Variants in LRFN2 observed in about 807,000 individuals in gnomAD.
LRFN2 encodes leucine rich repeat and fibronectin type III domain containing 2, also known as leucine-rich repeat and fibronectin type-III domain-containing protein 2.
Under a neutral mutation model 37.3 loss-of-function variants are expected in LRFN2, and 18 were observed. The observed-to-expected ratio is 0.48, with a 90% CI of 0.33 to 0.72. The LOEUF is 0.72. LRFN2 is among the 30% of genes least tolerant of loss of function. The pLI, the probability that LRFN2 is intolerant of heterozygous loss-of-function variation, is 0.02. For synonymous variants in LRFN2, 556 were observed against 466.6 expected (o/e 1.19, Z -2.47); for missense variants, 1,006 against 1,060.7 (o/e 0.95, Z 0.72).
rs558824953 is a variant in LRFN2, at chr6:40,537,284, C to T, written c.-19+49657G>A. On this transcript the variant is annotated intron_variant, in intron 1 of 2. Transcript: ENST00000338305. ...ATACTGGGAATAGTTCCTGGCACATCGTAGGCCCTCAGGAATATTTGCAGA... is the reference window on the plus strand; with the variant it reads ...ATACTGGGAATAGTTCCTGGCACATTGTAGGCCCTCAGGAATATTTGCAGA... Among the ~76,000 whole-genome samples the T allele has an allele frequency of 6.6e-5, 10 of 152,312 alleles. No individual in the cohort carries two copies. In the East Asian group the frequency reaches 1.2e-3, roughly 18 times the overall value.
intron 1 of LRFN2, among the ~76,000 whole-genome samples, chr6:40,503,118 G>T (rs979555810): frequency 6.6e-6 from 1 of 152,204 alleles, no homozygotes; most frequent in African/African-American, 2.4e-5. Flanking sequence ...GGGTGGGCCA[G>T]CCATGCAGGG....
At chr6:40,393,737 C>CA (rs1025231618) in intron 2 of LRFN2, among the ~76,000 whole-genome samples, 3 of 152,188 alleles carry the variant, frequency 2.0e-5, no homozygotes, top group African/African-American at 7.2e-5. Context: ...CTCTGAGATT[C>CA]ATGGCGATCC....
At chr6:40,571,584 G>A (rs1003382188) in intron 1 of LRFN2, among the ~76,000 whole-genome samples, 1 of 152,220 alleles carries the variant, frequency 6.6e-6, no homozygotes, top group African/African-American at 2.4e-5. Context: ...GATTCCAGGT[G>A]GCGCTGGGTG....
intron 1 of LRFN2, among the ~76,000 whole-genome samples, chr6:40,473,224 G>A (rs9357328): frequency 2.0e-5 from 3 of 152,256 alleles, no homozygotes; most frequent in East Asian, 3.9e-4. Context: ...CAGTTGCCAC[G>A]CCTCAGCCAG....
At chr6:40,509,469 C>A (rs1357807245) in intron 1 of LRFN2, among the ~76,000 whole-genome samples, 2 of 152,182 alleles carry the variant, frequency 1.3e-5, no homozygotes, top group Admixed American at 1.3e-4. Context: ...GAGTAGAGAG[C>A]AGAATGAAAT....
rs537960580 is a variant in LRFN2, at chr6:40,505,767, C to A, written c.-18-72636G>T. Among the ~76,000 whole-genome samples the A allele has an allele frequency of 3.3e-5, 5 of 152,324 alleles. No homozygotes were observed. The South Asian group carries it at 8.3e-4, about 25-fold the overall frequency. ...CTCACACAGGTCTCACCTATCTTCC[C>A]CCCATGTCTTAAGATCATGCCTCCT... On this transcript the variant is annotated intron_variant, in intron 1 of 2. Transcript: ENST00000338305.
intron 1 of LRFN2, among the ~76,000 whole-genome samples, chr6:40,522,075 C>T (rs1468703994): frequency 6.6e-6 from 1 of 152,130 alleles, no homozygotes; most frequent in Non-Finnish European, 1.5e-5. Flanking sequence ...TGGGTCCTCA[C>T]AGAGCCAGAC....
chr6:40,459,943 G>A (rs1745974463), intron 1 of LRFN2, among the ~76,000 whole-genome samples: 2 of 152,206 alleles, frequency 1.3e-5, no homozygotes, highest in Non-Finnish European at 2.9e-5. Flanking sequence ...CAACTAGGGA[G>A]GAAGAAATTC....
chr6:40,575,947 A>G (rs1005668381), intron 1 of LRFN2, among the ~76,000 whole-genome samples: 2 of 152,244 alleles, frequency 1.3e-5, no homozygotes, highest in Non-Finnish European at 2.9e-5. Context: ...GCATAAAATA[A>G]GTACATAAAG....
chr6:40,473,147 A>G (rs1387198683), intron 1 of LRFN2, among the ~76,000 whole-genome samples: 1 of 152,110 alleles, frequency 6.6e-6, no homozygotes, highest in African/African-American at 2.4e-5. Context: ...GGCCCCAGCC[A>G]AACTCCAGGG....
chr6:40,551,442 A>G (rs1766776985), intron 1 of LRFN2, among the ~76,000 whole-genome samples: 1 of 152,226 alleles, frequency 6.6e-6, no homozygotes, highest in Non-Finnish European at 1.5e-5. Context: ...CTTCTCCTGA[A>G]GCCCACATCA....
chr6:40,399,438 C>CTTTTTTTTTTTTTTT (rs71543989), intron 2 of LRFN2, among the ~76,000 whole-genome samples: 1 of 108,922 alleles, frequency 9.2e-6, no homozygotes, highest in East Asian at 2.5e-4. Flanking sequence ...TTTTTTTTTT[C>CTTTTTTTTTTTTTTT]TTTTTTTTTT....
chr6:40,585,654 T>C (rs1379572090), intron 1 of LRFN2, among the ~76,000 whole-genome samples: 2 of 152,064 alleles, frequency 1.3e-5, no homozygotes, highest in Admixed American at 1.3e-4. Context: ...ACAGCCCACA[T>C]AGAACCTCTA....
intron 1 of LRFN2, among the ~76,000 whole-genome samples, chr6:40,524,862 G>T (rs1235278752): frequency 1.3e-5 from 2 of 152,212 alleles, no homozygotes; most frequent in Admixed American, 1.3e-4. Flanking sequence ...TGAGTCAGGG[G>T]TCAGTGATTC....
intron 1 of LRFN2, among the ~76,000 whole-genome samples, chr6:40,556,772 C>A (rs1402475265): frequency 4.0e-5 from 6 of 150,786 alleles, no homozygotes; most frequent in African/African-American, 1.5e-4. Context: ...CCTACTGATG[C>A]TCTTGGCCAC....
chr6:40,497,139 A>G (rs1368191978), intron 1 of LRFN2, among the ~76,000 whole-genome samples: 1 of 152,032 alleles, frequency 6.6e-6, no homozygotes, highest in Non-Finnish European at 1.5e-5. Context: ...TTCTGCAGCC[A>G]TTTCTGACTG....
chr6:40,567,369 T>C (rs1225270299), intron 1 of LRFN2, among the ~76,000 whole-genome samples: 2 of 152,108 alleles, frequency 1.3e-5, no homozygotes, highest in Non-Finnish European at 2.9e-5. Flanking sequence ...TAGGACAAAA[T>C]TATGAGGTGG....
At chr6:40,558,519 G>T (rs569889328) in intron 1 of LRFN2, among the ~76,000 whole-genome samples, 1 of 151,944 alleles carries the variant, frequency 6.6e-6, no homozygotes, top group Admixed American at 6.5e-5. Context: ...GAGGGTGAAA[G>T]GTACATGGAT....
At chr6:40,519,174 AAC>A (rs1218613756) in intron 1 of LRFN2, among the ~76,000 whole-genome samples, 1 of 152,214 alleles carries the variant, frequency 6.6e-6, no homozygotes, top group Non-Finnish European at 1.5e-5. Context: ...TTCAGTTTAG[AAC>A]AGTGTCCAAC....
Sources: allele counts gnomAD v4.1 joint callset (sites outside exome capture counted in the v4.1 genomes callset), GRCh38; gene constraint gnomAD v4.1.1; transcripts MANE v1.5; gene names NCBI Gene and HGNC (gene_info 2026-07-23, HGNC 2026-07-21).